Variants in CYP3A7 observed in about 807,000 individuals in gnomAD.
The protein encoded by CYP3A7 is cytochrome P450 3A7.
A neutral mutation model predicts 55.2 loss-of-function variants in CYP3A7; 45 were observed. The ratio of observed to expected loss-of-function variants is 0.82; its 90% CI spans 0.64 to 1.05. The LOEUF is 1.05. CYP3A7 is among the 50% of genes least tolerant of loss of function. The pLI is 0.00. For missense variants in CYP3A7, 548 were observed against 605.3 expected (o/e 0.91, Z 0.99); for synonymous variants, 180 against 207.4 (o/e 0.87, Z 1.13).
chr7:99,708,515 C>A (rs1322199847), intron 11 of CYP3A7, among the ~76,000 whole-genome samples: 1 of 152,072 alleles, frequency 6.6e-6, no homozygotes, highest in Non-Finnish European at 1.5e-5. Context: ...ATCTCTCCTT[C>A]TTTCTCCCCC....
In CYP3A7 at chr7:99,707,807, C is replaced by T. The variant is rs1464272631; in HGVS notation, c.1416+5G>A. 1.2e-6 allele frequency: 2 copies of T among 1,613,700 alleles called. No individual in the cohort carries two copies. Among genetic ancestry groups the T allele is most frequent in the Non-Finnish European group, 1.7e-6 (2 of 1,179,758 alleles). ...AAACATTATTAATGCAGAAAATTGA[C>T]TGACCTGTGTTTCTTTACAAGGTTT... On this transcript the variant is annotated splice_donor_5th_base_variant and intron_variant, in intron 12 of 12. Coordinates refer to ENST00000336374, the MANE Select transcript of CYP3A7 (RefSeq NM_000765.5).
At chr7:99,728,532 C>CTTTTCACT (rs1373412833) in intron 2 of CYP3A7, among the ~76,000 whole-genome samples, 1 of 152,216 alleles carries the variant, frequency 6.6e-6, no homozygotes, top group African/African-American at 2.4e-5. Flanking sequence ...TCCCTCTCAT[C>CTTTTCACT]TTTTCACTTT....
Position 99,714,700 on chromosome 7 carries a change from C to T in CYP3A7, c.671-18G>A. 6.2e-7 allele frequency: 1 copy of T among 1,606,880 alleles called. No individual in the cohort carries two copies. Among genetic ancestry groups the T allele is most frequent in the African/African-American group, 1.3e-5 (1 of 74,616 alleles). ...AAAGACTTCTGTAGAAAAAAAAAAC[C>T]AACAGAAAACGAAACCATTGTGAAC... On this transcript the variant is annotated intron_variant, in intron 7 of 12. Transcript: ENST00000336374.
At chr7:99,719,927 G>A (rs1370853395) in intron 4 of CYP3A7, among the ~76,000 whole-genome samples, 1 of 152,148 alleles carries the variant, frequency 6.6e-6, no homozygotes, top group African/African-American at 2.4e-5. Flanking sequence ...AACCCTGGAG[G>A]TGGAGGTTGC....
At chr7:99,723,316 C>T (rs1814278917) in intron 2 of CYP3A7, among the ~76,000 whole-genome samples, 1 of 152,144 alleles carries the variant, frequency 6.6e-6, no homozygotes, top group African/African-American at 2.4e-5. Context: ...ATTGATCGAC[C>T]TCGTGACATT....
chr7:99,712,165 G>A (rs1017544747), intron 9 of CYP3A7, among the ~76,000 whole-genome samples: 1 of 152,058 alleles, frequency 6.6e-6, no homozygotes. Context: ...TTTAGAGACC[G>A]GGAACACAGA....
intron 1 of CYP3A7, among the ~76,000 whole-genome samples, chr7:99,733,441 G>GA (rs765527501): frequency 5.9e-5 from 9 of 152,150 alleles, no homozygotes; most frequent in Non-Finnish European, 1.2e-4. Context: ...GAGGCTAACA[G>GA]AAAAATCCAT....
intron 2 of CYP3A7, among the ~76,000 whole-genome samples, chr7:99,723,083 G>C (rs1438910099): frequency 6.6e-6 from 1 of 152,088 alleles, no homozygotes; most frequent in Non-Finnish European, 1.5e-5. Flanking sequence ...CTATGGAAAA[G>C]AAGGTCCGAG....
At chr7:99,733,038 G>T (rs1335470753) in intron 1 of CYP3A7, among the ~76,000 whole-genome samples, 1 of 152,222 alleles carries the variant, frequency 6.6e-6, no homozygotes, top group Non-Finnish European at 1.5e-5. Context: ...GGAGGCTCGT[G>T]TTTGGAGAAC....
chr7:99,705,505 C>A lies in CYP3A7; in HGVS notation c.1507G>T (p.Ala503Ser). ...ACCAGAAGTCCTTAGGGAAATCAGG[C>A]TCCACTTACGGTCTCATCCCTTGAC... The part of the protein sequence containing the change: ...AESRDETVSG[A>S] The change falls in exon 13 of 13, where the codon GCC becomes TCC. Residue 503 changes from alanine to serine, a missense_variant. Ala to Ser is a moderately conservative substitution (Grantham distance 99). Coordinates refer to ENST00000336374, the MANE Select transcript of CYP3A7 (RefSeq NM_000765.5). 1 of 1,613,502 alleles carries A rather than the reference C, an allele frequency of 6.2e-7. No individual in the cohort carries two copies.
At position 99,714,675 on chromosome 7, in the gene CYP3A7, A is replaced by G. The variant is rs757655996; in HGVS notation, c.678T>C (p.Phe226=). 4 of 1,612,458 alleles carry G rather than the reference A, an allele frequency of 2.5e-6. No individual in the cohort carries two copies. The South Asian group carries it at 3.3e-5, about 13-fold the overall frequency. Residue 226 remains phenylalanine (F), a synonymous_variant, in exon 8 of 13, where the codon TTT becomes TTC. Transcript: ENST00000336374. ...CTTCAAGAATTGGGGTAAGGAATGG[A>G]AAGACTTCTGTAGAAAAAAAAAACC... is the stretch of plus-strand genomic sequence containing the variant. ...LDPFVLSIKV[F]PFLTPILEAL...
intron 9 of CYP3A7, 83 bp from the exon 10 acceptor site, chr7:99,710,975 C>A: frequency 6.2e-7 from 1 of 1,603,850 alleles, no homozygotes; most frequent in Middle Eastern, 1.7e-4. Flanking sequence ...CTAAGTGGAA[C>A]CTTCAAATCC....
rs375990155 is a variant in CYP3A7, at chr7:99,715,771, G to A, written c.657C>T (p.Phe219=). ...TAGTCCACATACTTATTGAGAGAAC[G>A]AATGGATCTAATGGATTAAATCTTA... The part of the protein sequence containing the change: ...KLLRFNPLDP[F]VLSIKVFPFL... The change falls in exon 7 of 13, where the codon TTC becomes TTT. Residue 219 remains phenylalanine, a synonymous_variant. Coordinates refer to ENST00000336374, the MANE Select transcript of CYP3A7 (RefSeq NM_000765.5). 2.8e-5 allele frequency: 45 copies of A among 1,613,666 alleles called. No homozygotes were observed. The highest frequency in any genetic ancestry group is 1.6e-4 in the African/African-American group (12 of 74,898).
intron 4 of CYP3A7, 101 bp from the exon 5 acceptor site, chr7:99,717,740 T>G (rs1440241504): frequency 2.1e-6 from 3 of 1,419,312 alleles, no homozygotes; most frequent in Non-Finnish European, 2.9e-6. Context: ...AACAAATATT[T>G]AGTGACTGTC....
intron 2 of CYP3A7, among the ~76,000 whole-genome samples, chr7:99,726,144 C>G (rs1300831932): frequency 6.6e-6 from 1 of 152,086 alleles, no homozygotes; most frequent in Non-Finnish European, 1.5e-5. Flanking sequence ...CTCTTGTATC[C>G]CCCCACCTTA....
intron 2 of CYP3A7, among the ~76,000 whole-genome samples, chr7:99,725,406 G>A (rs1242897066): frequency 1.3e-5 from 2 of 152,180 alleles, no homozygotes; most frequent in African/African-American, 4.8e-5. Flanking sequence ...AAGTGACAAT[G>A]CATCTCTGAA....
chr7:99,714,574 C>T lies in CYP3A7; in HGVS notation c.779G>A (p.Arg260His), dbSNP rs753175222. 68 of 1,612,706 alleles carry T rather than the reference C, an allele frequency of 4.2e-5. No individual in the cohort carries two copies. The highest frequency in any genetic ancestry group is 5.1e-5 in the Non-Finnish European group (60 of 1,179,464). ...TTTTACCTTTTGTGTCTCTTTGAGG[C>T]GACCTTCTTTTATCTGTTTTACAGA... ...TKSVKQIKEGRLKETQKHRVD... is the reference protein window; with the variant it reads ...TKSVKQIKEGHLKETQKHRVD... The change falls in exon 8 of 13, where the codon CGC becomes CAC. Residue 260 changes from arginine (R) to histidine (H), a missense_variant. Transcript: ENST00000336374.
At chr7:99,714,789 T>C in intron 7 of CYP3A7, 107 bp from the exon 8 acceptor site, 1 of 1,532,268 alleles carries the variant, frequency 6.5e-7, no homozygotes, top group Non-Finnish European at 8.8e-7. Flanking sequence ...AATACATCAG[T>C]GTTCTCAACT....
intron 1 of CYP3A7, among the ~76,000 whole-genome samples, chr7:99,733,262 A>G (rs560795425): frequency 5.2e-4 from 79 of 152,316 alleles, no homozygotes; most frequent in African/African-American, 1.4e-3. Flanking sequence ...GGCCAGGACA[A>G]ACTATTGAGT....
Sources: allele counts gnomAD v4.1 joint callset (sites outside exome capture counted in the v4.1 genomes callset), GRCh38; gene constraint gnomAD v4.1.1; transcripts MANE v1.5; gene names NCBI Gene and HGNC (gene_info 2026-07-23, HGNC 2026-07-21).